Variants in PXT1 observed in about 807,000 individuals in gnomAD.
The protein encoded by PXT1 is peroxisomal testis enriched protein 1, also known as peroxisomal testis-specific protein 1.
Under a neutral mutation model 11.0 loss-of-function variants are expected in PXT1, and 11 were observed. The observed-to-expected ratio is 1.00, with a 90% CI of 0.63 to 1.66. The LOEUF is 1.66. Ranked by LOEUF, PXT1 falls within the 40% of genes most tolerant of loss-of-function variation. PXT1 has a pLI of 0.00. For synonymous variants in PXT1, 43 were observed against 51.4 expected, an observed-to-expected ratio of 0.84 and a Z score of 0.70; for missense variants, 141 against 155.5, an observed-to-expected ratio of 0.91 and a Z score of 0.49.
At chr6:36,410,398 C>T (rs538290104) in intron 3 of PXT1, among the ~76,000 whole-genome samples, 59 of 147,964 alleles carry the variant, frequency 4.0e-4, no homozygotes, top group Middle Eastern at 7.0e-3. Flanking sequence ...TGCAGTGAGC[C>T]GAGATAGCGC....
At chr6:36,410,245 G>A (rs1774352702) in intron 3 of PXT1, among the ~76,000 whole-genome samples, 1 of 152,146 alleles carries the variant, frequency 6.6e-6, no homozygotes, top group Non-Finnish European at 1.5e-5. Context: ...GACATTGGGA[G>A]TTCGAGACCA....
chr6:36,406,058 TG>T (rs1763509593), intron 3 of PXT1, among the ~76,000 whole-genome samples: 1 of 152,168 alleles, frequency 6.6e-6, no homozygotes, highest in Non-Finnish European at 1.5e-5. Flanking sequence ...TTTGAGTGTA[TG>T]TGTGATAATA....
chr6:36,401,986 T>A (rs1029618399), intron 3 of PXT1, among the ~76,000 whole-genome samples: 26 of 149,872 alleles, frequency 1.7e-4, no homozygotes, highest in African/African-American at 5.8e-4. Context: ...ATATATATAT[T>A]TTTTAATAGA....
chr6:36,428,132 C>T (rs559247824), intron 2 of PXT1, among the ~76,000 whole-genome samples: 25 of 152,098 alleles, frequency 1.6e-4, no homozygotes, highest in South Asian at 6.2e-4. Flanking sequence ...CCAGATCAGC[C>T]CTGGATGAAC....
chr6:36,403,372 C>T (rs1215147197), intron 3 of PXT1, among the ~76,000 whole-genome samples: 4 of 152,062 alleles, frequency 2.6e-5, no homozygotes, highest in Non-Finnish European at 4.4e-5. Flanking sequence ...ATAGTGGAAA[C>T]AGATTATATA....
In PXT1 at chr6:36,395,051, C is replaced by G. The variant is rs550802097; in HGVS notation, c.301-3177G>C. ...GAGACAGGGGTCTCACTATGTTGCC[C>G]AGGCTGGTCTCAAACTCCTGGCCTC... On this transcript the variant is annotated intron_variant, in intron 4 of 4. Transcript: ENST00000454782. Among the ~76,000 whole-genome samples, 9 of 152,264 alleles carry G rather than the reference C, an allele frequency of 5.9e-5. No homozygotes were observed. The East Asian group carries it at 1.7e-3, about 29-fold the overall frequency.
chr6:36,394,743 A>T (rs1213332968), intron 4 of PXT1, among the ~76,000 whole-genome samples: 1 of 148,118 alleles, frequency 6.8e-6, no homozygotes, highest in East Asian at 2.0e-4. Context: ...AAACTGAATT[A>T]AAAAAAAAAG....
At chr6:36,412,816 T>C (rs767454296) in intron 3 of PXT1, among the ~76,000 whole-genome samples, 3 of 150,000 alleles carry the variant, frequency 2.0e-5, no homozygotes, top group Non-Finnish European at 3.0e-5. Flanking sequence ...GAGAATGCTA[T>C]GAAAAAAGAA....
chr6:36,413,302 A>T (rs1774400826), intron 3 of PXT1, among the ~76,000 whole-genome samples: 1 of 152,110 alleles, frequency 6.6e-6, no homozygotes, highest in South Asian at 2.1e-4. Context: ...CTGTAGTCCC[A>T]GCTACTCGGG....
chr6:36,420,577 G>A (rs1582263879), intron 3 of PXT1, among the ~76,000 whole-genome samples: 1 of 152,276 alleles, frequency 6.6e-6, no homozygotes, highest in East Asian at 1.9e-4. Flanking sequence ...TGAGAACTGA[G>A]CAGATGGGGG....
intron 3 of PXT1, among the ~76,000 whole-genome samples, chr6:36,420,122 C>T (rs577128734): frequency 1.3e-5 from 2 of 152,328 alleles, no homozygotes; most frequent in African/African-American, 4.8e-5. Context: ...CCTGGAGATA[C>T]TCTCACAATT....
Position 36,402,341 on chromosome 6 carries a change from G to T in PXT1, c.170-1757C>A, listed in dbSNP as rs143595555. ...TTAGGACTACAGAAGAGAAGGAAATGAATTTGGGCTAACATAGACATAAGT... is the reference window on the plus strand; with the variant it reads ...TTAGGACTACAGAAGAGAAGGAAATTAATTTGGGCTAACATAGACATAAGT... On this transcript the variant is annotated intron_variant, in intron 3 of 4. Coordinates refer to ENST00000454782, the MANE Select transcript of PXT1 (RefSeq NM_152990.4). Among the ~76,000 whole-genome samples, 434 of 152,308 alleles carry T rather than the reference G, an allele frequency of 2.8e-3. 3 individuals carry two copies. The highest frequency in any genetic ancestry group is 5.4e-3 in the Admixed American group (82 of 15,294).
intron 2 of PXT1, among the ~76,000 whole-genome samples, chr6:36,433,837 A>AAAAAAAAAG (rs10677902): frequency 7.5e-6 from 1 of 132,850 alleles, no homozygotes; most frequent in Non-Finnish European, 1.6e-5. Context: ...AAAAAAAAAA[A>AAAAAAAAAG]AAAGAAAAGA....
chr6:36,440,587 A>G (rs941042976), intron 1 of PXT1, among the ~76,000 whole-genome samples: 2 of 152,182 alleles, frequency 1.3e-5, no homozygotes, highest in Non-Finnish European at 2.9e-5. Flanking sequence ...AAAAAAAAAA[A>G]AAGAAGAAGG....
At chr6:36,403,843 G>C (rs902639322) in intron 3 of PXT1, among the ~76,000 whole-genome samples, 4 of 152,184 alleles carry the variant, frequency 2.6e-5, no homozygotes, top group Non-Finnish European at 5.9e-5. Context: ...ACTCCAGCCT[G>C]GGTGACAGAG....
intron 3 of PXT1, among the ~76,000 whole-genome samples, chr6:36,418,194 T>C (rs1325834320): frequency 2.1e-5 from 3 of 143,936 alleles, no homozygotes. Flanking sequence ...AGACTCCGTC[T>C]CAAAAAAAAA....
intron 4 of PXT1, among the ~76,000 whole-genome samples, chr6:36,393,709 G>T (rs1774104107): frequency 6.8e-6 from 1 of 146,916 alleles, no homozygotes. Flanking sequence ...CTGGATGACA[G>T]AGTGAGACTA....
intron 1 of PXT1, among the ~76,000 whole-genome samples, chr6:36,439,246 C>T (rs1225520813): frequency 6.6e-6 from 1 of 151,806 alleles, no homozygotes; most frequent in Non-Finnish European, 1.5e-5. Flanking sequence ...GATCCACCCG[C>T]CTTGGCCTCC....
chr6:36,411,952 AC>A (rs1774381401), intron 3 of PXT1, among the ~76,000 whole-genome samples: 2 of 152,214 alleles, frequency 1.3e-5, no homozygotes. Flanking sequence ...TGCCAAAAAA[AC>A]AAATACCAGA....
Sources: allele counts gnomAD v4.1 joint callset (sites outside exome capture counted in the v4.1 genomes callset), GRCh38; gene constraint gnomAD v4.1.1; transcripts MANE v1.5; gene names NCBI Gene and HGNC (gene_info 2026-07-23, HGNC 2026-07-21).